Variants in JMJD1C observed in about 807,000 individuals in gnomAD.
JMJD1C encodes jumonji domain-containing protein 1C.
JMJD1C carries 31 observed loss-of-function variants against 245.3 expected under a neutral mutation model. The observed-to-expected ratio is 0.13, with a 90% CI of 0.09 to 0.17. JMJD1C has a LOEUF of 0.17. Ranked by LOEUF, JMJD1C falls within the 10% of genes least tolerant of loss-of-function variation. JMJD1C has a pLI of 1.00. For synonymous variants in JMJD1C, 1,057 were observed against 1,017.4 expected, an observed-to-expected ratio of 1.04 and a Z score of -0.74; for missense variants, 2,691 against 3,000.2, an observed-to-expected ratio of 0.90 and a Z score of 2.41.
chr10:63,380,245 T>C (rs758750487), intron 2 of JMJD1C, 73 bp downstream of exon 2: 3 of 1,510,274 alleles, frequency 2.0e-6, no homozygotes, highest in East Asian at 2.3e-5. Flanking sequence ...AACCTGGCCT[T>C]TGTTTTGTTG....
intron 13 of JMJD1C, 28 bp from the exon 14 acceptor site, chr10:63,194,403 C>T: frequency 7.4e-7 from 1 of 1,349,044 alleles, no homozygotes; most frequent in Non-Finnish European, 1.1e-6. Context: ...TTGTATATCA[C>T]ACTCATGGTT....
At chr10:63,305,459 C>CTCTCTCTCTCT (rs1937978126) in intron 2 of JMJD1C, among the ~76,000 whole-genome samples, 141 of 113,082 alleles carry the variant, frequency 1.2e-3, no homozygotes, top group African/African-American at 4.0e-3. Context: ...ACGCTCTGAC[C>CTCTCTCTCTCT]CTCTCTCTCT....
At chr10:63,293,050 C>T (rs908675497) in intron 2 of JMJD1C, among the ~76,000 whole-genome samples, 1 of 152,060 alleles carries the variant, frequency 6.6e-6, no homozygotes, top group Non-Finnish European at 1.5e-5. Flanking sequence ...TCAAAATAAA[C>T]AAACAAACAA....
At chr10:63,187,848 G>C (rs1311548802) in intron 18 of JMJD1C, among the ~76,000 whole-genome samples, 2 of 152,140 alleles carry the variant, frequency 1.3e-5, no homozygotes, top group African/African-American at 2.4e-5. Context: ...TGATTATACA[G>C]ATTCCACAAT....
chr10:63,219,077 T>G (rs1162364677), intron 4 of JMJD1C, among the ~76,000 whole-genome samples: 1 of 152,094 alleles, frequency 6.6e-6, no homozygotes, highest in Non-Finnish European at 1.5e-5. Context: ...TGAATGAAAG[T>G]TCACTGAAAT....
intron 2 of JMJD1C, among the ~76,000 whole-genome samples, chr10:63,288,155 A>AC (rs1858201340): frequency 6.6e-6 from 1 of 152,180 alleles, no homozygotes; most frequent in Admixed American, 6.5e-5. Context: ...ACAGAGGGCC[A>AC]ACTGTATGTA....
intron 12 of JMJD1C, among the ~76,000 whole-genome samples, chr10:63,198,015 A>G (rs1392076157): frequency 6.6e-6 from 1 of 152,252 alleles, no homozygotes; most frequent in Non-Finnish European, 1.5e-5. Context: ...AAAGAAGCTA[A>G]TATTTAGAGC....
chr10:63,292,144 A>ATTTTATTTTTTTTTTT (rs1858838382), intron 2 of JMJD1C, among the ~76,000 whole-genome samples: 1 of 56,326 alleles, frequency 1.8e-5, no homozygotes. Context: ...GTAGAGACAG[A>ATTTTATTTTTTTTTTT]TTTTTTTTTT....
At chr10:63,458,094 A>T (rs898715754) in intron 1 of JMJD1C, among the ~76,000 whole-genome samples, 2 of 152,230 alleles carry the variant, frequency 1.3e-5, no homozygotes, top group African/African-American at 2.4e-5. Context: ...AATTTCAGAC[A>T]ATGTTTCAAC....
upstream of JMJD1C, among the ~76,000 whole-genome samples, chr10:63,470,325 A>G (rs113535445): frequency 2.1e-3 from 325 of 152,292 alleles, 2 homozygotes; most frequent in Middle Eastern, 0.014. Context: ...ATCTAACTCA[A>G]CTAAGAGGAA....
At position 63,521,519 on chromosome 10, in the gene JMJD1C, G is replaced by A. The variant is rs759307885; in HGVS notation, n.113+219C>T. On this transcript the variant is annotated intron_variant and non_coding_transcript_variant, in intron 1 of 3. Transcript: ENST00000633035. Reference sequence around the variant, plus strand: ...GCAGCGCCCTGCGCCCACCCGCCCCGGACGTGGGGCCCAAGCCCCCGTGAA... The same window carrying A: ...GCAGCGCCCTGCGCCCACCCGCCCCAGACGTGGGGCCCAAGCCCCCGTGAA... 6.4e-6 allele frequency: 9 copies of A among 1,402,020 alleles called. No homozygotes were observed. The South Asian group carries it at 1.2e-4, about 19-fold the overall frequency. 86.8% of individuals were successfully genotyped at this position (1,402,020 alleles called of 1,614,324 possible). A position where few individuals can be genotyped will look rare whatever the true frequency, so the allele number is the denominator to read the frequency against.
chr10:63,291,849 T>A (rs1858762861), intron 2 of JMJD1C, among the ~76,000 whole-genome samples: 2 of 152,186 alleles, frequency 1.3e-5, no homozygotes, highest in Non-Finnish European at 1.5e-5. Flanking sequence ...TCTTTTATTT[T>A]AATCTGTCTC....
At chr10:63,417,573 T>G (rs1361188479) in intron 1 of JMJD1C, among the ~76,000 whole-genome samples, 1 of 152,182 alleles carries the variant, frequency 6.6e-6, no homozygotes, top group Non-Finnish European at 1.5e-5. Context: ...ACAGACTTGT[T>G]AAAAAGCTTA....
chr10:63,270,960 A>G (rs990351703), intron 2 of JMJD1C, among the ~76,000 whole-genome samples: 3 of 152,136 alleles, frequency 2.0e-5, no homozygotes, highest in Non-Finnish European at 4.4e-5. Flanking sequence ...AAAATTTGTA[A>G]GTTTCTGACT....
chr10:63,176,753 C>T, intron 23 of JMJD1C: 1 of 287,566 alleles, frequency 3.5e-6, no homozygotes, highest in Non-Finnish European at 6.5e-6. Context: ...GGTTTCCTTC[C>T]TTATAACTGT....
At chr10:63,488,891 G>T (rs1160848681) in intron 1 of JMJD1C, among the ~76,000 whole-genome samples, 3 of 152,128 alleles carry the variant, frequency 2.0e-5, no homozygotes, top group Non-Finnish European at 4.4e-5. Context: ...AATTCATTGA[G>T]ATATATCCTT....
In JMJD1C at chr10:63,207,532, A is replaced by C; in HGVS notation, c.4137T>G (p.Ser1379Arg). 1 of 1,614,214 alleles carries C rather than the reference A, an allele frequency of 6.2e-7. No homozygotes were observed. The highest frequency in any genetic ancestry group is 8.5e-7 in the Non-Finnish European group (1 of 1,180,024). ...EKNFQAVSQG[S>R]VPSSVMSAVN... The stretch of plus-strand genomic sequence containing the variant: ...CAGCAGACATGACTGAACTGGGAAC[A>C]CTGCCCTGTGAGACAGCCTGAAAGT... Residue 1379 changes from serine to arginine, a missense_variant, in exon 10 of 26, where the codon AGT becomes AGG. This residue lies in a region of JMJD1C where 1,562 missense variants were observed against 1,490.7 expected (regional missense o/e 1.05). Transcript: ENST00000399262.
At chr10:63,371,178 A>C (rs1388831229) in intron 2 of JMJD1C, among the ~76,000 whole-genome samples, 1 of 149,446 alleles carries the variant, frequency 6.7e-6, no homozygotes, top group Non-Finnish European at 1.5e-5. Flanking sequence ...ATGAGGGTAT[A>C]GCTATGCTGC....
At chr10:63,445,327 A>G (rs1397652151) in intron 1 of JMJD1C, among the ~76,000 whole-genome samples, 2 of 152,226 alleles carry the variant, frequency 1.3e-5, no homozygotes, top group African/African-American at 2.4e-5. Context: ...TCAATTTTAG[A>G]TAAGGTAGTC....
Sources: gnomAD v4.1 joint callset for allele counts (sites outside exome capture counted in the v4.1 genomes callset) on GRCh38, gnomAD v4.1.1 for gene constraint, gnomAD v4.1.1 regional missense constraint, MANE v1.5 for transcripts, NCBI Gene and HGNC (gene_info 2026-07-23, HGNC 2026-07-21) for gene names.